Variants in TBL1X observed in about 807,000 individuals in gnomAD.
TBL1X encodes F-box-like/WD repeat-containing protein TBL1X.
A neutral mutation model predicts 50.7 loss-of-function variants in TBL1X; 10 were observed. The ratio of observed to expected loss-of-function variants is 0.20; its 90% confidence interval spans 0.12 to 0.33. TBL1X has a LOEUF of 0.33. Ranked by LOEUF, TBL1X falls within the 10% of genes least tolerant of loss-of-function variation. The pLI, the probability that TBL1X is intolerant of heterozygous loss-of-function variation, is 1.00. For missense variants in TBL1X, 340 were observed against 504.4 expected, an observed-to-expected ratio of 0.67 and a Z score of 3.12; for synonymous variants, 190 against 214.7, an observed-to-expected ratio of 0.88 and a Z score of 1.01.
intron 2 of TBL1X, among the ~76,000 whole-genome samples, chrX:9,606,156 T>TG (rs1282535398): frequency 9.0e-6 from 1 of 111,428 alleles, no homozygotes; most frequent in Admixed American, 9.5e-5. Flanking sequence ...GCAGAAGTGA[T>TG]GCACCATGTG....
chrX:9,488,689 A>G (rs1383321542), intron 1 of TBL1X, among the ~76,000 whole-genome samples: 2 of 112,120 alleles, frequency 1.8e-5, no homozygotes, highest in Non-Finnish European at 3.8e-5. Context: ...CTTCAAGGAC[A>G]GACTTACTTC....
chrX:9,612,187 C>T (rs2082617157), intron 2 of TBL1X, among the ~76,000 whole-genome samples: 1 of 112,132 alleles, frequency 8.9e-6, no homozygotes, highest in Non-Finnish European at 1.9e-5. Context: ...CTGTTTCACA[C>T]TGGTCGGGGA....
intron 2 of TBL1X, among the ~76,000 whole-genome samples, chrX:9,536,574 G>A (rs760406430): frequency 9.0e-6 from 1 of 111,495 alleles, no homozygotes; most frequent in Non-Finnish European, 1.9e-5. Context: ...TTATCATGTA[G>A]TATTCATGTC....
chrX:9,711,773 T>C lies in TBL1X; in HGVS notation c.1602T>C (p.Thr534=). Reference sequence around the variant, plus strand: ...ACAAGTGCGTCCATATCTGGAATACTCAGGTAAGCTCCCGACCCCTACACC... The same window carrying C: ...ACAAGTGCGTCCATATCTGGAATACCCAGGTAAGCTCCCGACCCCTACACC... ...SFDKCVHIWN[T]QSGNLVHSYR... Residue 534 remains threonine (T), a synonymous_variant, in exon 16 of 18, where the codon ACT becomes ACC. Transcript: ENST00000645353. 8.4e-7 allele frequency: 1 copy of C among 1,191,573 alleles called. No homozygotes were observed. Among genetic ancestry groups the C allele is most frequent in the Non-Finnish European group, 1.1e-6 (1 of 884,507 alleles).
At chrX:9,489,378 G>A (rs1222094542) in intron 1 of TBL1X, among the ~76,000 whole-genome samples, 2 of 111,896 alleles carry the variant, frequency 1.8e-5, no homozygotes, top group Non-Finnish European at 3.8e-5. Flanking sequence ...TCAGCATTTT[G>A]GCTCAAAAAT....
Position 9,714,972 on chromosome X carries a change from A to G in TBL1X, c.1676A>G (p.Asp559Gly). The G allele has an allele frequency of 8.3e-7, 1 of 1,211,346 alleles. No homozygotes were observed. The highest frequency in any genetic ancestry group is 1.1e-6 in the Non-Finnish European group (1 of 895,368). Reference sequence around the variant, plus strand: ...GAGGTGTGCTGGAACGCCCGAGGAGACAAAGTGGGTGCCAGCGCGTCCGAC... The same window carrying G: ...GAGGTGTGCTGGAACGCCCGAGGAGGCAAAGTGGGTGCCAGCGCGTCCGAC... ...IFEVCWNARG[D>G]KVGASASDGS... Residue 559 changes from aspartate to glycine, a missense_variant, in exon 17 of 18, where the codon GAC (aspartate) becomes GGC (glycine). Physicochemically the swap from Asp to Gly is moderately conservative, Grantham distance 94. Around this residue, in one of 6 missense-constraint regions of TBL1X, gnomAD observed 170 missense variants for 272.6 expected, o/e 0.62. Transcript: ENST00000645353.
chrX:9,692,377 C>T (rs999242753), intron 9 of TBL1X, 123 bp downstream of exon 9: 12 of 867,263 alleles, frequency 1.4e-5, no homozygotes, highest in Admixed American at 3.8e-5. Context: ...GCTCAGCCCC[C>T]ACTCTGATGG....
chrX:9,689,672 G>A (rs1407809642), intron 7 of TBL1X, among the ~76,000 whole-genome samples: 1 of 112,225 alleles, frequency 8.9e-6, no homozygotes, highest in South Asian at 3.7e-4. Context: ...TTGGAAGGCC[G>A]CATTTTGATA....
intron 1 of TBL1X, among the ~76,000 whole-genome samples, chrX:9,490,372 G>T (rs73631484): frequency 0.06 from 6,704 of 111,323 alleles, 182 homozygotes; most frequent in South Asian, 0.12. Flanking sequence ...TGACAATGTC[G>T]GGAAACACTT....
chrX:9,482,178 G>T (rs1252469169), intron 1 of TBL1X, among the ~76,000 whole-genome samples: 3 of 111,933 alleles, frequency 2.7e-5, no homozygotes, highest in Non-Finnish European at 5.6e-5. Context: ...TTCTAACTTG[G>T]CCTCAATAAA....
intron 12 of TBL1X, among the ~76,000 whole-genome samples, chrX:9,698,359 C>T (rs745930527): frequency 9.0e-6 from 1 of 111,189 alleles, no homozygotes; most frequent in African/African-American, 3.3e-5. Flanking sequence ...CCCCAGGACT[C>T]AACATACTCA....
intron 5 of TBL1X, among the ~76,000 whole-genome samples, chrX:9,682,108 A>G (rs949693981): frequency 8.9e-6 from 1 of 112,673 alleles, no homozygotes; most frequent in Admixed American, 9.4e-5. Flanking sequence ...AAAGACCTCA[A>G]TGATAAAAGC....
intron 5 of TBL1X, among the ~76,000 whole-genome samples, chrX:9,656,863 T>A (rs1028421637): frequency 6.2e-5 from 7 of 112,186 alleles, no homozygotes; most frequent in Non-Finnish European, 1.1e-4. Flanking sequence ...TTTGGTTAGG[T>A]CAATAGTCAT....
chrX:9,659,184 G>A (rs2082882624), intron 5 of TBL1X, among the ~76,000 whole-genome samples: 1 of 111,814 alleles, frequency 8.9e-6, no homozygotes, highest in Non-Finnish European at 1.9e-5. Flanking sequence ...AGGAAGGAAT[G>A]CGCGGAGCTG....
intron 3 of TBL1X, among the ~76,000 whole-genome samples, chrX:9,642,655 A>G (rs1244589293): frequency 1.8e-5 from 2 of 111,936 alleles, no homozygotes; most frequent in African/African-American, 3.2e-5. Context: ...GAGGTGGGAA[A>G]ATCTGTGGTA....
chrX:9,506,993 G>T (rs773754225), intron 2 of TBL1X, among the ~76,000 whole-genome samples: 2 of 111,931 alleles, frequency 1.8e-5, no homozygotes, highest in East Asian at 5.6e-4. Context: ...CATACTAAAT[G>T]GGCAAAAGCT....
chrX:9,707,492 C>G (rs1197776490), intron 13 of TBL1X, among the ~76,000 whole-genome samples: 2 of 112,545 alleles, frequency 1.8e-5, no homozygotes, highest in Non-Finnish European at 3.8e-5. Context: ...GCTGATGGCC[C>G]TGAACAAAGC....
intron 1 of TBL1X, among the ~76,000 whole-genome samples, chrX:9,485,576 G>A (rs2081907171): frequency 8.9e-6 from 1 of 111,925 alleles, no homozygotes; most frequent in African/African-American, 3.3e-5. Flanking sequence ...TGCTGCAGAT[G>A]CTGGGATGGC....
intron 2 of TBL1X, among the ~76,000 whole-genome samples, chrX:9,575,288 G>A (rs2082405571): frequency 1.8e-5 from 2 of 111,532 alleles, no homozygotes; most frequent in South Asian, 7.5e-4. Context: ...CCCCTGACGT[G>A]TGGGGATTAC....
Sources: allele counts gnomAD v4.1 joint callset (sites outside exome capture counted in the v4.1 genomes callset), GRCh38; gene constraint gnomAD v4.1.1; regional missense constraint gnomAD v4.1.1; transcripts MANE v1.5; gene names NCBI Gene and HGNC (gene_info 2026-07-23, HGNC 2026-07-21).